Variants in ARHGEF38 observed in about 807,000 individuals in gnomAD.
The protein encoded by ARHGEF38 is Rho guanine nucleotide exchange factor (GEF) 38.
Under a neutral mutation model 79.9 loss-of-function variants are expected in ARHGEF38, and 79 were observed. The ratio of observed to expected loss-of-function variants is 0.99; its 90% CI spans 0.82 to 1.19. The LOEUF is 1.19. ARHGEF38 is among the 50% of genes most tolerant of loss of function. The pLI is 0.00. For missense variants in ARHGEF38, 962 were observed against 907.2 expected (o/e 1.06, Z -0.78); for synonymous variants, 366 against 328.3 (o/e 1.11, Z -1.24).
intron 1 of ARHGEF38, among the ~76,000 whole-genome samples, chr4:105,553,179 T>C (rs1230652311): frequency 6.6e-6 from 1 of 152,204 alleles, no homozygotes; most frequent in Non-Finnish European, 1.5e-5. Context: ...CGAATTACTC[T>C]TAATATTGCT....
rs78519737 is a variant in ARHGEF38, at chr4:105,663,329, C to A, written c.1546-2848C>A. On this transcript the variant is annotated intron_variant, in intron 10 of 13. Coordinates refer to ENST00000420470, the MANE Select transcript of ARHGEF38 (RefSeq NM_001242729.2). ...TTTAAATTTTTAATTGTATAAAAAACCACAATTTACCATTATAAGAATTTT... is the reference window on the plus strand; with the variant it reads ...TTTAAATTTTTAATTGTATAAAAAAACACAATTTACCATTATAAGAATTTT... 3.2e-3 allele frequency among the ~76,000 whole-genome samples: 492 copies of A among 152,016 alleles called. 2 individuals carry two copies. The highest frequency in any genetic ancestry group is 5.3e-3 in the Non-Finnish European group (362 of 67,966).
At chr4:105,560,616 A>G (rs151162231) in intron 1 of ARHGEF38, among the ~76,000 whole-genome samples, 1 of 152,226 alleles carries the variant, frequency 6.6e-6, no homozygotes, top group Non-Finnish European at 1.5e-5. Flanking sequence ...GACTTTGTCC[A>G]AGGTTTTCTG....
intron 5 of ARHGEF38, among the ~76,000 whole-genome samples, chr4:105,637,573 T>C (rs925685562): frequency 6.6e-6 from 1 of 152,142 alleles, no homozygotes; most frequent in African/African-American, 2.4e-5. Context: ...GGCTGGGAAA[T>C]GGCTCTGCCT....
chr4:105,581,320 A>G (rs972199398), intron 1 of ARHGEF38, among the ~76,000 whole-genome samples: 3 of 152,150 alleles, frequency 2.0e-5, no homozygotes, highest in Non-Finnish European at 4.4e-5. Context: ...ACTCAGGAAT[A>G]GCATCTTTCA....
chr4:105,630,201 T>C (rs1170397903), intron 3 of ARHGEF38, among the ~76,000 whole-genome samples: 1 of 151,964 alleles, frequency 6.6e-6, no homozygotes, highest in Non-Finnish European at 1.5e-5. Flanking sequence ...TGCCAGTCTG[T>C]AGCACAGCCT....
At chr4:105,642,226 A>G (rs992080226) in intron 5 of ARHGEF38, among the ~76,000 whole-genome samples, 5 of 152,070 alleles carry the variant, frequency 3.3e-5, no homozygotes, top group Non-Finnish European at 5.9e-5. Flanking sequence ...TTTCTACGAT[A>G]TTGCTTGTCT....
At chr4:105,649,913 A>G (rs768635841) in intron 7 of ARHGEF38, among the ~76,000 whole-genome samples, 7 of 152,248 alleles carry the variant, frequency 4.6e-5, no homozygotes, top group Non-Finnish European at 1.0e-4. Context: ...TACCTCTGCC[A>G]CTTAGTAAAT....
chr4:105,627,682 G>A (rs1475946824), intron 3 of ARHGEF38, among the ~76,000 whole-genome samples: 1 of 152,156 alleles, frequency 6.6e-6, no homozygotes, highest in African/African-American at 2.4e-5. Context: ...GCAACCACAA[G>A]TGAAATTACC....
chr4:105,648,531 T>C lies in ARHGEF38; in HGVS notation c.875-18T>C. 1 of 1,488,426 alleles carries C rather than the reference T, an allele frequency of 6.7e-7. No homozygotes were observed. Among genetic ancestry groups the C allele is most frequent in the Non-Finnish European group, 8.9e-7 (1 of 1,126,248 alleles). The allele number at this position is 1,488,426 out of a possible 1,614,324, so 92.2% of individuals were successfully genotyped here. On this transcript the variant is annotated intron_variant, in intron 6 of 13. Transcript: ENST00000420470. ...TGCTGCATGTGTTCAGCTACGTTAT[T>C]ACATTCTTCCTTTTCAGTTCTAAAA... is the stretch of plus-strand genomic sequence containing the variant.
chr4:105,663,006 C>A (rs1366031645), intron 10 of ARHGEF38, among the ~76,000 whole-genome samples: 2 of 152,046 alleles, frequency 1.3e-5, no homozygotes, highest in Admixed American at 6.5e-5. Context: ...TGATTTTATT[C>A]TTTATTTTAT....
At chr4:105,648,364 G>A (rs529172482) in intron 6 of ARHGEF38, among the ~76,000 whole-genome samples, 185 bp from the exon 7 acceptor site, 2 of 151,992 alleles carry the variant, frequency 1.3e-5, no homozygotes, top group Non-Finnish European at 2.9e-5. Context: ...GAGGTCAGTG[G>A]GGTGGGTGCC....
intron 1 of ARHGEF38, among the ~76,000 whole-genome samples, chr4:105,555,464 C>T (rs955107380): frequency 5.9e-5 from 9 of 152,024 alleles, no homozygotes; most frequent in Non-Finnish European, 1.2e-4. Flanking sequence ...TGTACGATAC[C>T]CATTATTATG....
Position 105,655,460 on chromosome 4 carries a change from CA to C in ARHGEF38, c.1114-142del, listed in dbSNP as rs1730281402. The stretch of plus-strand genomic sequence containing the variant: ...TTACAAGCAACCTGATTGTACAGAG[CA>C]TTTATAAAATGTTTGTTGTTCCTTT... On this transcript the variant is annotated intron_variant, in intron 8 of 13. Transcript: ENST00000420470. The C allele has an allele frequency of 4.8e-6, 4 of 829,934 alleles. No individual in the cohort carries two copies. The African/African-American group carries it at 6.9e-5, about 14-fold the overall frequency. 51.4% of individuals were successfully genotyped at this position (829,934 alleles called of 1,614,324 possible).
chr4:105,652,349 A>G (rs985043377), intron 7 of ARHGEF38, among the ~76,000 whole-genome samples: 2 of 152,226 alleles, frequency 1.3e-5, no homozygotes, highest in Non-Finnish European at 2.9e-5. Context: ...TAAAACAACA[A>G]TAGTTAATCT....
In ARHGEF38 at chr4:105,589,424, A is replaced by G. The variant is rs1309165607; in HGVS notation, c.373A>G (p.Arg125Gly). 1 of 1,606,016 alleles carries G rather than the reference A, an allele frequency of 6.2e-7. No homozygotes were observed. The highest frequency in any genetic ancestry group is 1.1e-5 in the South Asian group (1 of 89,050). ...LCVREVVQPL[R>G]NKKTDRLDVD... ...TGTTAGGGAAGTGGTTCAGCCCCTG[A>G]GAAATAAAAAGGTAAATATATATTT... The change falls in exon 2 of 14, where the codon AGA becomes GGA. Residue 125 changes from arginine (R) to glycine (G), a missense_variant. Physicochemically the swap from Arg to Gly is moderately radical, Grantham distance 125 (BLOSUM62 -2). Coordinates refer to ENST00000420470, the MANE Select transcript of ARHGEF38 (RefSeq NM_001242729.2).
At chr4:105,564,503 G>A (rs532476632) in intron 1 of ARHGEF38, among the ~76,000 whole-genome samples, 1 of 152,124 alleles carries the variant, frequency 6.6e-6, no homozygotes, top group Non-Finnish European at 1.5e-5. Context: ...AGGAGGAAAT[G>A]GGGAATTATT....
At chr4:105,578,984 T>C (rs10031193) in intron 1 of ARHGEF38, among the ~76,000 whole-genome samples, 1 of 152,058 alleles carries the variant, frequency 6.6e-6, no homozygotes, top group Non-Finnish European at 1.5e-5. Flanking sequence ...TATGTTACTG[T>C]TTTATAAGCC....
intron 13 of ARHGEF38, among the ~76,000 whole-genome samples, chr4:105,670,575 T>C (rs1730926132): frequency 6.6e-6 from 1 of 152,178 alleles, no homozygotes; most frequent in African/African-American, 2.4e-5. Flanking sequence ...GCAAATATTT[T>C]CCCCTGGTTA....
chr4:105,621,036 A>T (rs1354101672), intron 3 of ARHGEF38, among the ~76,000 whole-genome samples: 1 of 152,226 alleles, frequency 6.6e-6, no homozygotes, highest in East Asian at 1.9e-4. Context: ...GTAGAGTGAG[A>T]AAGTGGCACA....
Sources: gnomAD v4.1 joint callset for allele counts (sites outside exome capture counted in the v4.1 genomes callset) on GRCh38, gnomAD v4.1.1 for gene constraint, MANE v1.5 for transcripts, NCBI Gene and HGNC (gene_info 2026-07-23, HGNC 2026-07-21) for gene names.